ZC3H12B: variants seen among roughly 807,000 people sequenced by gnomAD.
ZC3H12B encodes the protein zinc finger CCCH-type containing 12B, also known as probable ribonuclease ZC3H12B.
ZC3H12B carries 7 observed loss-of-function variants against 43.9 expected under a neutral mutation model. The ratio of observed to expected loss-of-function variants is 0.16; its 90% CI spans 0.09 to 0.30. The LOEUF (loss-of-function observed/expected upper bound fraction) is 0.30, where lower values mean the gene tolerates loss of function less well. ZC3H12B is among the 10% of genes least tolerant of loss of function. The pLI is 1.00. For synonymous variants in ZC3H12B, 222 were observed against 241.7 expected, an observed-to-expected ratio of 0.92 and a Z score of 0.76; for missense variants, 475 against 670.2, an observed-to-expected ratio of 0.71 and a Z score of 3.22.
chrX:65,330,944 A>AG, the ZC3H12B span: 1 of 306,087 alleles, frequency 3.3e-6, no homozygotes, highest in Non-Finnish European at 6.4e-6. Flanking sequence ...TACACACAAG[A>AG]TGTCTTCTTT....
chrX:65,115,175 CA>C, the ZC3H12B span, among the ~76,000 whole-genome samples: 1 of 108,046 alleles, frequency 9.3e-6, no homozygotes, highest in Non-Finnish European at 1.9e-5. Context: ...AAACTGTACC[CA>C]ATGTGTAGAC....
chrX:65,070,887 G>A, the ZC3H12B span, among the ~76,000 whole-genome samples: 1 of 100,134 alleles, frequency 1.0e-5, no homozygotes, highest in African/African-American at 3.7e-5. Context: ...CGATTTTAGA[G>A]TATGCATCAT....
chrX:65,481,189 C>T (rs897436442), intron 3 of ZC3H12B, among the ~76,000 whole-genome samples: 2 of 111,475 alleles, frequency 1.8e-5, no homozygotes, highest in Non-Finnish European at 3.8e-5. Flanking sequence ...TTCACTCCCC[C>T]TTTCCTGATA....
At chrX:65,267,188 T>C in the ZC3H12B span, among the ~76,000 whole-genome samples, 2 of 93,961 alleles carry the variant, frequency 2.1e-5, no homozygotes, top group Non-Finnish European at 3.8e-5. Flanking sequence ...GAGTATTTTT[T>C]TTCTTTCTTT....
the ZC3H12B span, among the ~76,000 whole-genome samples, chrX:65,298,794 A>T: frequency 1.8e-5 from 2 of 112,215 alleles, no homozygotes; most frequent in Non-Finnish European, 3.8e-5. Context: ...TTTGACTCAC[A>T]GTTCAACATA....
At chrX:65,173,128 G>T in the ZC3H12B span, among the ~76,000 whole-genome samples, 1 of 111,491 alleles carries the variant, frequency 9.0e-6, no homozygotes, top group East Asian at 2.8e-4. Context: ...CTTTGAAGAC[G>T]TCCTTCCTGT....
chrX:65,190,385 G>C, the ZC3H12B span, among the ~76,000 whole-genome samples: 1 of 110,970 alleles, frequency 9.0e-6, no homozygotes, highest in Non-Finnish European at 1.9e-5. Flanking sequence ...AAATTACCTT[G>C]GGCAGTATGG....
the ZC3H12B span, among the ~76,000 whole-genome samples, chrX:65,351,697 C>G: frequency 2.2e-4 from 25 of 112,586 alleles, no homozygotes; most frequent in East Asian, 4.7e-3. Context: ...ATTTATGCAG[C>G]TAACAGACGT....
At chrX:65,203,412 G>A in the ZC3H12B span, among the ~76,000 whole-genome samples, 3 of 110,663 alleles carry the variant, frequency 2.7e-5, no homozygotes, top group Admixed American at 9.7e-5. Context: ...ACTGCTGATC[G>A]TTCAGGGCCC....
the ZC3H12B span, among the ~76,000 whole-genome samples, chrX:65,158,543 T>C: frequency 6.2e-5 from 7 of 112,388 alleles, no homozygotes; most frequent in Non-Finnish European, 3.7e-5. Context: ...CATTTTTTCA[T>C]GTGTTTATTG....
At chrX:65,120,908 CAT>C in the ZC3H12B span, among the ~76,000 whole-genome samples, 3 of 111,601 alleles carry the variant, frequency 2.7e-5, no homozygotes, top group African/African-American at 9.8e-5. Flanking sequence ...TTGAGATAAT[CAT>C]GTGGTTTTTG....
At chrX:65,343,729 G>A in the ZC3H12B span, among the ~76,000 whole-genome samples, 1 of 111,990 alleles carries the variant, frequency 8.9e-6, no homozygotes, top group Admixed American at 9.5e-5. Context: ...TACTTAAGGG[G>A]AAAAAGCTGG....
At chrX:65,365,722 C>A (rs2066166051), upstream of ZC3H12B, among the ~76,000 whole-genome samples, 1 of 111,302 alleles carries the variant, frequency 9.0e-6, no homozygotes, top group Non-Finnish European at 1.9e-5. Flanking sequence ...ACGTATACAT[C>A]CAGATGGCCT....
At chrX:65,171,526 A>T in the ZC3H12B span, among the ~76,000 whole-genome samples, 3 of 111,024 alleles carry the variant, frequency 2.7e-5, no homozygotes, top group African/African-American at 9.8e-5. Context: ...CCATTCTCAG[A>T]TCTCAAATTC....
the ZC3H12B span, among the ~76,000 whole-genome samples, chrX:65,038,213 A>T: frequency 9.0e-6 from 1 of 111,651 alleles, no homozygotes; most frequent in African/African-American, 3.2e-5. Context: ...AATATACTCA[A>T]ACTTGAAATT....
At chrX:65,276,091 G>C in the ZC3H12B span, among the ~76,000 whole-genome samples, 1 of 110,800 alleles carries the variant, frequency 9.0e-6, no homozygotes, top group Non-Finnish European at 1.9e-5. Context: ...AGACCAAGCA[G>C]AATAAAGGTT....
chrX:65,434,721 C>G (rs986531895), intron 3 of ZC3H12B, among the ~76,000 whole-genome samples: 2 of 111,667 alleles, frequency 1.8e-5, no homozygotes, highest in African/African-American at 6.5e-5. Context: ...CCTGCTAGAA[C>G]TTGAGTCTAG....
the ZC3H12B span, among the ~76,000 whole-genome samples, chrX:65,154,946 T>C: frequency 9.0e-6 from 1 of 111,021 alleles, no homozygotes; most frequent in Non-Finnish European, 1.9e-5. Context: ...GGAAGTTCCC[T>C]TCTATTTCTA....
At chrX:65,472,500 C>T (rs1361386891) in intron 3 of ZC3H12B, among the ~76,000 whole-genome samples, 1 of 109,115 alleles carries the variant, frequency 9.2e-6, no homozygotes, top group South Asian at 3.9e-4. Flanking sequence ...AAAATCGTTG[C>T]CCAGACCAAG....
Sources: gnomAD v4.1 joint callset for allele counts (sites outside exome capture counted in the v4.1 genomes callset) on GRCh38, gnomAD v4.1.1 for gene constraint, MANE v1.5 for transcripts, NCBI Gene and HGNC (gene_info 2026-07-23, HGNC 2026-07-21) for gene names.